CDKL2: variants seen among roughly 807,000 people sequenced by gnomAD.
CDKL2 encodes the protein cyclin dependent kinase like 2, also known as cyclin-dependent kinase-like 2.
A neutral mutation model predicts 63.9 loss-of-function variants in CDKL2; 64 were observed. The observed-to-expected ratio is 1.00, with a 90% CI of 0.82 to 1.23. CDKL2 has a LOEUF of 1.23. Ranked by LOEUF, CDKL2 falls within the 50% of genes most tolerant of loss-of-function variation. The pLI is 0.00. For synonymous variants in CDKL2, 211 were observed against 229.2 expected, an observed-to-expected ratio of 0.92 and a Z score of 0.72; for missense variants, 656 against 668.0, an observed-to-expected ratio of 0.98 and a Z score of 0.20.
intron 2 of CDKL2, among the ~76,000 whole-genome samples, chr4:75,620,596 T>C (rs1305565292): frequency 6.6e-6 from 1 of 152,068 alleles, no homozygotes; most frequent in Non-Finnish European, 1.5e-5. Context: ...AAAAAGATAA[T>C]ATAGTAAAAA....
intron 12 of CDKL2, among the ~76,000 whole-genome samples, chr4:75,584,715 G>T (rs372112821): frequency 1.3e-5 from 2 of 152,066 alleles, no homozygotes; most frequent in East Asian, 1.9e-4. Context: ...CAATAAAAGG[G>T]TAGGTAGCAT....
At chr4:75,614,860 T>C (rs1016517779) in intron 2 of CDKL2, among the ~76,000 whole-genome samples, 2 of 113,206 alleles carry the variant, frequency 1.8e-5, no homozygotes, top group African/African-American at 9.1e-5. Context: ...GCCAGTGACA[T>C]ACCCTGAAAA....
At chr4:75,612,152 T>C (rs2148898386) in intron 3 of CDKL2, among the ~76,000 whole-genome samples, 1 of 152,046 alleles carries the variant, frequency 6.6e-6, no homozygotes, top group Admixed American at 6.6e-5. Flanking sequence ...TTTATATTTT[T>C]AGTAGAGATG....
At position 75,600,283 on chromosome 4, in the gene CDKL2, C is replaced by G. The variant is rs142575330; in HGVS notation, c.882G>C (p.Glu294Asp). ...AAAAACATGGGTAAGTACTATACCT[C>G]TCAGCAAATCCATCCATTTGAAAGA... ...HDFFQMDGFAERFSQELQLKV... is the reference protein window; with the variant it reads ...HDFFQMDGFADRFSQELQLKV... Residue 294 changes from glutamate to aspartate, a missense_variant and splice_region_variant, in exon 7 of 14, where the codon GAG (glutamate) becomes GAC (aspartate). Physicochemically the swap from Glu to Asp is conservative, Grantham distance 45. Coordinates refer to ENST00000307465, the MANE Select transcript of CDKL2 (RefSeq NM_001330724.2). The G allele has an allele frequency of 3.1e-6, 5 of 1,609,244 alleles. No homozygotes were observed. In the African/African-American group the frequency reaches 5.4e-5, roughly 17 times the overall value.
intron 5 of CDKL2, 123 bp downstream of exon 5, chr4:75,605,399 C>A: frequency 4.8e-6 from 3 of 619,296 alleles, no homozygotes; most frequent in Non-Finnish European, 5.8e-6. Flanking sequence ...CCTATATGCT[C>A]CCTACCTTCA....
chr4:75,621,048 G>A (rs1161775571), intron 2 of CDKL2, among the ~76,000 whole-genome samples: 2 of 151,286 alleles, frequency 1.3e-5, no homozygotes, highest in East Asian at 3.9e-4. Context: ...AGATTCTCCT[G>A]CCTCAGCCTC....
chr4:75,623,116 A>G (rs1419187538), intron 2 of CDKL2, among the ~76,000 whole-genome samples: 1 of 152,132 alleles, frequency 6.6e-6, no homozygotes. Flanking sequence ...TCTTTACCCA[A>G]AAAAATACAA....
Position 75,603,908 on chromosome 4 carries a change from A to C in CDKL2, c.704T>G (p.Phe235Cys), listed in dbSNP as rs1488047009. 4 of 1,613,534 alleles carry C rather than the reference A, an allele frequency of 2.5e-6. No individual in the cohort carries two copies. Among genetic ancestry groups the C allele is most frequent in the African/African-American group, 2.7e-5 (2 of 74,894 alleles). The change falls in exon 6 of 14, where the codon TTT becomes TGT. Residue 235 changes from phenylalanine to cysteine, a missense_variant. Physicochemically the swap from Phe to Cys is radical, Grantham distance 205. Coordinates refer to ENST00000307465, the MANE Select transcript of CDKL2 (RefSeq NM_001330724.2). Reference protein sequence around the residue: ...HQELFNKNPVFAGVRLPEIKE... With the variant: ...HQELFNKNPVCAGVRLPEIKE... Reference sequence around the variant, plus strand: ...GATTTCAGGCAACCTTACTCCAGCAAACACAGGATTTTTATTAAAAAGCTC... The same window carrying C: ...GATTTCAGGCAACCTTACTCCAGCACACACAGGATTTTTATTAAAAAGCTC...
intron 7 of CDKL2, among the ~76,000 whole-genome samples, chr4:75,598,581 C>CT (rs546188489): frequency 0.038 from 4,509 of 117,518 alleles, 95 homozygotes; most frequent in Non-Finnish European, 0.055. Flanking sequence ...TTCTCAGTTG[C>CT]TTTTTTTTTT....
rs533437002 is a variant in CDKL2, at chr4:75,582,026, C to T, written c.1648-128G>A. The T allele has an allele frequency of 4.6e-6, 3 of 645,900 alleles. No individual in the cohort carries two copies. The Admixed American group carries it at 7.5e-5, about 16-fold the overall frequency. 40.0% of individuals were successfully genotyped at this position (645,900 alleles called of 1,614,324 possible). On this transcript the variant is annotated intron_variant, in intron 12 of 13. Transcript: ENST00000307465. ...AACTATTCATAGCTCAAGTTGCCTA[C>T]ATGGAAAAGAATGAAGTAAGGGGAC...
rs184371762 is a variant in CDKL2, at chr4:75,627,773, G to T, written c.-29-1756C>A. 7.4e-4 allele frequency among the ~76,000 whole-genome samples: 96 copies of T among 129,028 alleles called. 1 individual carries two copies. Among genetic ancestry groups the T allele is most frequent in the South Asian group, 6.5e-3 (27 of 4,172 alleles). The allele number at this position is 129,028 out of a possible 152,430, so 84.6% of individuals were successfully genotyped here. On this transcript the variant is annotated intron_variant, in intron 1 of 13. Coordinates refer to ENST00000307465, the MANE Select transcript of CDKL2 (RefSeq NM_001330724.2). Reference sequence around the variant, plus strand: ...TTTTGAAACGGAGTCTCGTGCACTGGCGCGATCTCGGCTCACTGCAACCTC... The same window carrying T: ...TTTTGAAACGGAGTCTCGTGCACTGTCGCGATCTCGGCTCACTGCAACCTC...
At chr4:75,594,194 T>A (rs1291614626) in intron 10 of CDKL2, among the ~76,000 whole-genome samples, 1 of 152,192 alleles carries the variant, frequency 6.6e-6, no homozygotes, top group Non-Finnish European at 1.5e-5. Flanking sequence ...ACGCCTGTAA[T>A]CCCAGCATTT....
chr4:75,620,515 G>C (rs890304982), intron 2 of CDKL2, among the ~76,000 whole-genome samples: 1 of 152,168 alleles, frequency 6.6e-6, no homozygotes, highest in African/African-American at 2.4e-5. Flanking sequence ...TTGGTAATTT[G>C]TAACAATTCT....
Position 75,607,375 on chromosome 4 carries a change from A to T in CDKL2, c.364-14T>A. 1 of 1,600,188 alleles carries T rather than the reference A, an allele frequency of 6.2e-7. No homozygotes were observed. The highest frequency in any genetic ancestry group is 8.5e-7 in the Non-Finnish European group (1 of 1,169,728). ...TCTGTGTATGATCTAGACAAGAAGC[A>T]GAGTGTGACGGATGTTAAATAAAAT... On this transcript the variant is annotated splice_polypyrimidine_tract_variant and intron_variant, in intron 3 of 13. Coordinates refer to ENST00000307465, the MANE Select transcript of CDKL2 (RefSeq NM_001330724.2).
intron 1 of CDKL2, among the ~76,000 whole-genome samples, chr4:75,628,449 T>C (rs1730535056): frequency 6.6e-6 from 1 of 152,208 alleles, no homozygotes; most frequent in African/African-American, 2.4e-5. Flanking sequence ...TGACATTTTC[T>C]GAATAAAGGC....
chr4:75,590,415 T>C (rs1251121993), intron 12 of CDKL2, among the ~76,000 whole-genome samples: 1 of 152,196 alleles, frequency 6.6e-6, no homozygotes, highest in Non-Finnish European at 1.5e-5. Context: ...TACAGAACTA[T>C]TGAAGAGTTA....
In CDKL2 at chr4:75,596,261, T is replaced by G; in HGVS notation, c.1402A>C (p.Asn468His). 1 of 1,603,682 alleles carries G rather than the reference T, an allele frequency of 6.2e-7. No individual in the cohort carries two copies. Among genetic ancestry groups the G allele is most frequent in the South Asian group, 1.1e-5 (1 of 90,876 alleles). ...TGCTTACTTACTAATGTGGTCACAT[T>G]AATGTTATAAATGCCTGATGGGGAA... Reference protein sequence around the residue: ...RHSPSGIYNINVTTLVSSEKN... With the variant: ...RHSPSGIYNIHVTTLVSSEKN... The change falls in exon 10 of 14, where the codon AAT becomes CAT. Residue 468 changes from asparagine to histidine, a missense_variant. Transcript: ENST00000307465.
At chr4:75,584,146 G>A (rs905349595) in intron 12 of CDKL2, among the ~76,000 whole-genome samples, 8 of 152,194 alleles carry the variant, frequency 5.3e-5, no homozygotes, top group African/African-American at 1.9e-4. Context: ...TACTAATTAG[G>A]ATAGATTATC....
At chr4:75,599,357 T>A (rs1030539800) in intron 7 of CDKL2, among the ~76,000 whole-genome samples, 2 of 150,558 alleles carry the variant, frequency 1.3e-5, no homozygotes, top group African/African-American at 4.9e-5. Flanking sequence ...AGGTCAGGAG[T>A]TCAAGACCAG....
Sources: gnomAD v4.1 joint callset for allele counts (sites outside exome capture counted in the v4.1 genomes callset) on GRCh38, gnomAD v4.1.1 for gene constraint, MANE v1.5 for transcripts, NCBI Gene and HGNC (gene_info 2026-07-23, HGNC 2026-07-21) for gene names.